Variants in SPARCL1 observed in about 807,000 individuals in gnomAD.
SPARCL1 encodes SPARC like 1.
Under a neutral mutation model 67.1 loss-of-function variants are expected in SPARCL1, and 52 were observed. The observed-to-expected ratio is 0.78, with a 90% CI of 0.62 to 0.98. The LOEUF is 0.98. SPARCL1 is among the 50% of genes least tolerant of loss of function. SPARCL1 has a pLI of 0.00. For synonymous variants in SPARCL1, 226 were observed against 267.8 expected (o/e 0.84, Z 1.52); for missense variants, 717 against 782.4 (o/e 0.92, Z 1.00).
At chr4:87,484,573 T>C (rs1417406607) in intron 7 of SPARCL1, among the ~76,000 whole-genome samples, 1 of 152,208 alleles carries the variant, frequency 6.6e-6, no homozygotes, top group East Asian at 1.9e-4. Flanking sequence ...TGGGCTCTTT[T>C]TTGGTTCCCA....
chr4:87,499,240 T>G (rs1013438989), intron 2 of SPARCL1, among the ~76,000 whole-genome samples: 3 of 152,306 alleles, frequency 2.0e-5, no homozygotes, highest in Non-Finnish European at 4.4e-5. Context: ...TCTTCCTGTC[T>G]CTTGTGTATT....
At chr4:87,517,290 T>A (rs1725620960) in intron 1 of SPARCL1, among the ~76,000 whole-genome samples, 1 of 152,178 alleles carries the variant, frequency 6.6e-6, no homozygotes, top group South Asian at 2.1e-4. Flanking sequence ...AGTTCTAGAC[T>A]TGATTTTGAC....
At chr4:87,500,743 AG>A (rs1383128341) in intron 1 of SPARCL1, among the ~76,000 whole-genome samples, 1 of 152,172 alleles carries the variant, frequency 6.6e-6, no homozygotes, top group Non-Finnish European at 1.5e-5. Context: ...ATATTACTCT[AG>A]GGATTTAATA....
chr4:87,504,175 GT>G (rs1724977104), intron 1 of SPARCL1, among the ~76,000 whole-genome samples: 1 of 123,306 alleles, frequency 8.1e-6, no homozygotes, highest in African/African-American at 3.0e-5. Context: ...GTGTGTGTGT[GT>G]GTGTGTGGTG....
chr4:87,482,093 AT>A (rs1723844846), intron 8 of SPARCL1, among the ~76,000 whole-genome samples: 1 of 152,242 alleles, frequency 6.6e-6, no homozygotes, highest in Non-Finnish European at 1.5e-5. Flanking sequence ...AACAAAACAA[AT>A]GCTTAGATTT....
intron 1 of SPARCL1, among the ~76,000 whole-genome samples, chr4:87,508,416 T>C (rs1578110924): frequency 6.6e-6 from 1 of 151,862 alleles, no homozygotes; most frequent in African/African-American, 2.4e-5. Context: ...CCCAGGATGG[T>C]CTTGAACTCC....
At chr4:87,483,967 A>G (rs931176290) in intron 7 of SPARCL1, among the ~76,000 whole-genome samples, 8 of 152,002 alleles carry the variant, frequency 5.3e-5, no homozygotes, top group African/African-American at 1.9e-4. Flanking sequence ...TGTTCCTTGT[A>G]GATTCTGGGT....
chr4:87,510,094 T>C (rs1190272526), intron 1 of SPARCL1, among the ~76,000 whole-genome samples: 2 of 152,352 alleles, frequency 1.3e-5, no homozygotes, highest in South Asian at 2.1e-4. Context: ...AATTTAATTA[T>C]GTTAAAAGCA....
intron 4 of SPARCL1, 149 bp downstream of exon 4, chr4:87,493,433 G>T: frequency 1.5e-6 from 1 of 645,576 alleles, no homozygotes; most frequent in Non-Finnish European, 2.5e-6. Flanking sequence ...TAATGATAGA[G>T]ATAGACCTAA....
At chr4:87,517,504 A>G (rs1725630983) in intron 1 of SPARCL1, among the ~76,000 whole-genome samples, 1 of 152,204 alleles carries the variant, frequency 6.6e-6, no homozygotes, top group Admixed American at 6.5e-5. Flanking sequence ...ATTATCAGAT[A>G]GATTAATCCT....
At chr4:87,499,850 ACT>A (rs1032403138) in intron 1 of SPARCL1, among the ~76,000 whole-genome samples, 2 of 151,728 alleles carry the variant, frequency 1.3e-5, no homozygotes, top group Admixed American at 6.6e-5. Flanking sequence ...TCGAGTAAAG[ACT>A]CTGTGCAGAT....
At chr4:87,527,060 A>G (rs1379362620) in intron 1 of SPARCL1, among the ~76,000 whole-genome samples, 1 of 152,238 alleles carries the variant, frequency 6.6e-6, no homozygotes, top group Non-Finnish European at 1.5e-5. Flanking sequence ...ACCACAGGTC[A>G]TGGCCTTATT....
chr4:87,522,318 T>C (rs17012774), intron 1 of SPARCL1, among the ~76,000 whole-genome samples: 40,647 of 151,700 alleles, frequency 0.27, 5,715 homozygotes, highest in South Asian at 0.42. Flanking sequence ...TCCTTCCTAA[T>C]TGAACCTACC....
At chr4:87,476,171 A>G (rs1392624945) in intron 10 of SPARCL1, among the ~76,000 whole-genome samples, 1 of 152,216 alleles carries the variant, frequency 6.6e-6, no homozygotes, top group African/African-American at 2.4e-5. Context: ...TCTCAGTGGA[A>G]GATGCCTCTA....
At chr4:87,497,846 C>CCTGG (rs1424738104) in intron 2 of SPARCL1, among the ~76,000 whole-genome samples, 2 of 152,334 alleles carry the variant, frequency 1.3e-5, no homozygotes, top group East Asian at 3.9e-4. Context: ...CCTCAACTAC[C>CCTGG]CTGGCTTAAG....
At chr4:87,510,640 G>GA (rs370233842) in intron 1 of SPARCL1, among the ~76,000 whole-genome samples, 31 of 150,266 alleles carry the variant, frequency 2.1e-4, no homozygotes, top group African/African-American at 6.3e-4. Context: ...TTTCGTCACT[G>GA]AAAAAAAAAA....
At chr4:87,484,153 T>C (rs1723953679) in intron 7 of SPARCL1, among the ~76,000 whole-genome samples, 1 of 152,222 alleles carries the variant, frequency 6.6e-6, no homozygotes, top group Non-Finnish European at 1.5e-5. Context: ...ATGAAGCCTT[T>C]GCCCATGCCT....
At position 87,485,233 on chromosome 4, in the gene SPARCL1, A is replaced by G. The variant is rs184897557; in HGVS notation, c.1532-2673T>C. 3.2e-3 allele frequency among the ~76,000 whole-genome samples: 487 copies of G among 152,298 alleles called. 1 individual carries two copies. The highest frequency in any genetic ancestry group is 0.024 in the Middle Eastern group (7 of 294). ...TAAATAGCTGTTATTATTTTGAGAT[A>G]TGTTCCATCAATACCTAGTTTATTG... On this transcript the variant is annotated intron_variant, in intron 7 of 10. Transcript: ENST00000282470.
intron 5 of SPARCL1, 28 bp from the exon 6 acceptor site, chr4:87,490,906 T>C: frequency 7.8e-7 from 1 of 1,284,632 alleles, no homozygotes; most frequent in East Asian, 2.4e-5. Flanking sequence ...GCAGGAAGCA[T>C]GGACAAAGTT....
Sources: allele counts gnomAD v4.1 joint callset (sites outside exome capture counted in the v4.1 genomes callset), GRCh38; gene constraint gnomAD v4.1.1; transcripts MANE v1.5; gene names NCBI Gene and HGNC (gene_info 2026-07-23, HGNC 2026-07-21).